HCRTR2: variants seen among roughly 807,000 people sequenced by gnomAD.
HCRTR2 encodes orexin receptor type 2.
A neutral mutation model predicts 49.0 loss-of-function variants in HCRTR2; 22 were observed. The ratio of observed to expected loss-of-function variants is 0.45; its 90% CI spans 0.32 to 0.64. The LOEUF is 0.64. Among genes scored for constraint, HCRTR2 ranks in the 30% least tolerant of loss-of-function variants. The pLI, the probability that HCRTR2 is intolerant of heterozygous loss-of-function variation, is 0.04. For synonymous variants in HCRTR2, 236 were observed against 205.3 expected, an observed-to-expected ratio of 1.15 and a Z score of -1.28; for missense variants, 491 against 559.4, an observed-to-expected ratio of 0.88 and a Z score of 1.23.
chr6:55,254,262 A>T (rs886129412), intron 2 of HCRTR2, among the ~76,000 whole-genome samples: 35 of 152,290 alleles, frequency 2.3e-4, no homozygotes, highest in African/African-American at 7.5e-4. Flanking sequence ...AGAAATCAGA[A>T]GTCTTTTTAA....
chr6:55,202,248 T>C (rs890577127), intron 1 of HCRTR2, among the ~76,000 whole-genome samples: 1 of 152,198 alleles, frequency 6.6e-6, no homozygotes, highest in African/African-American at 2.4e-5. Flanking sequence ...GATGGCTGCA[T>C]ATATTTGTTT....
At chr6:55,277,627 G>T in intron 5 of HCRTR2, 27 bp downstream of exon 5, 3 of 1,459,650 alleles carry the variant, frequency 2.1e-6, no homozygotes, top group Non-Finnish European at 1.9e-6. Context: ...ATTTGAAAAT[G>T]AAATAGCCTG....
At chr6:55,274,313 A>G (rs563901196) in intron 4 of HCRTR2, among the ~76,000 whole-genome samples, 1 of 148,032 alleles carries the variant, frequency 6.8e-6, no homozygotes, top group Non-Finnish European at 1.5e-5. Context: ...TTATATATAT[A>G]TTTTATGAAA....
intron 1 of HCRTR2, among the ~76,000 whole-genome samples, chr6:55,136,193 T>C (rs1408295945): frequency 6.6e-6 from 1 of 152,132 alleles, no homozygotes; most frequent in Non-Finnish European, 1.5e-5. Flanking sequence ...TAAGGGAGTG[T>C]CTTTATTCTC....
intron 1 of HCRTR2, among the ~76,000 whole-genome samples, chr6:55,168,820 C>T (rs1764911238): frequency 1.3e-5 from 2 of 152,054 alleles, no homozygotes; most frequent in African/African-American, 4.8e-5. Context: ...AATCTTCCTC[C>T]TAGATTTGTG....
intron 1 of HCRTR2, among the ~76,000 whole-genome samples, chr6:55,235,060 G>T (rs1766188574): frequency 6.6e-6 from 1 of 152,096 alleles, no homozygotes; most frequent in Admixed American, 6.5e-5. Flanking sequence ...ATAAGTGAAA[G>T]AAATTAGACA....
intron 1 of HCRTR2, among the ~76,000 whole-genome samples, chr6:55,193,300 G>A (rs1001457786): frequency 2.0e-5 from 3 of 152,120 alleles, no homozygotes; most frequent in Non-Finnish European, 4.4e-5. Context: ...ACAGAGTACT[G>A]TGGTCTAAAA....
chr6:55,255,091 T>C (rs1378765491), intron 2 of HCRTR2, 45 bp from the exon 3 acceptor site: 2 of 1,608,058 alleles, frequency 1.2e-6, no homozygotes, highest in Non-Finnish European at 1.7e-6. Flanking sequence ...GTAATTCTTT[T>C]AACAGCTGGT....
chr6:55,212,028 A>C (rs1426940238), intron 1 of HCRTR2, among the ~76,000 whole-genome samples: 1 of 152,216 alleles, frequency 6.6e-6, no homozygotes, highest in East Asian at 1.9e-4. Flanking sequence ...GAACAACAAC[A>C]AAAAGTGTTA....
intron 1 of HCRTR2, among the ~76,000 whole-genome samples, chr6:55,163,441 G>A (rs992221304): frequency 3.3e-5 from 5 of 152,052 alleles, no homozygotes; most frequent in Non-Finnish European, 5.9e-5. Context: ...TAGACCAATG[G>A]AACAGAACAG....
At chr6:55,122,115 C>A (rs1420389316) in intron 1 of HCRTR2, among the ~76,000 whole-genome samples, 1 of 152,060 alleles carries the variant, frequency 6.6e-6, no homozygotes, top group African/African-American at 2.4e-5. Context: ...GGTTGGTAAG[C>A]TATTAATTAT....
At chr6:55,234,086 G>T (rs1410350393) in intron 1 of HCRTR2, among the ~76,000 whole-genome samples, 13 of 152,106 alleles carry the variant, frequency 8.5e-5, no homozygotes, top group Admixed American at 8.5e-4. Flanking sequence ...GACACTCTCA[G>T]ATACTATTTC....
intron 4 of HCRTR2, among the ~76,000 whole-genome samples, chr6:55,270,641 C>A (rs1415292465): frequency 6.6e-6 from 1 of 152,094 alleles, no homozygotes; most frequent in South Asian, 2.1e-4. Flanking sequence ...TTGTTTCATG[C>A]CCAAAATTAT....
At chr6:55,139,861 C>CTAT (rs1764483082) in intron 1 of HCRTR2, among the ~76,000 whole-genome samples, 1 of 152,124 alleles carries the variant, frequency 6.6e-6, no homozygotes, top group South Asian at 2.1e-4. Context: ...AGAAGATGAC[C>CTAT]ATTTGAGATT....
At chr6:55,150,623 G>A (rs551397585) in intron 1 of HCRTR2, among the ~76,000 whole-genome samples, 1 of 152,004 alleles carries the variant, frequency 6.6e-6, no homozygotes, top group South Asian at 2.1e-4. Flanking sequence ...ATTTCCCTAA[G>A]CATAATGTCC....
At chr6:55,268,525 A>G (rs1002661509) in intron 4 of HCRTR2, among the ~76,000 whole-genome samples, 2 of 152,122 alleles carry the variant, frequency 1.3e-5, no homozygotes, top group African/African-American at 4.8e-5. Flanking sequence ...AAAATAACAG[A>G]AGTAGTACTA....
upstream of HCRTR2, among the ~76,000 whole-genome samples, chr6:55,173,173 G>T (rs756606101): frequency 7.9e-5 from 12 of 152,194 alleles, no homozygotes; most frequent in Non-Finnish European, 1.8e-4. Flanking sequence ...TTTATTCTGT[G>T]TAGCACCAAG....
intron 1 of HCRTR2, among the ~76,000 whole-genome samples, chr6:55,218,494 T>C (rs539426789): frequency 6.6e-6 from 1 of 152,274 alleles, no homozygotes; most frequent in African/African-American, 2.4e-5. Context: ...TACTATATGC[T>C]GTCTACAAGA....
At chr6:55,237,667 T>C (rs1407252900) in intron 1 of HCRTR2, among the ~76,000 whole-genome samples, 1 of 152,196 alleles carries the variant, frequency 6.6e-6, no homozygotes, top group Non-Finnish European at 1.5e-5. Flanking sequence ...GATATTGGCC[T>C]TTGATGTCCC....
Sources: allele counts gnomAD v4.1 joint callset (sites outside exome capture counted in the v4.1 genomes callset), GRCh38; gene constraint gnomAD v4.1.1; transcripts MANE v1.5; gene names NCBI Gene and HGNC (gene_info 2026-07-23, HGNC 2026-07-21).